Variants in MEIKIN observed in about 807,000 individuals in gnomAD.
MEIKIN encodes the protein meiosis-specific kinetochore protein.
At chr5:131,870,466 T>C (rs1750468716) in intron 9 of MEIKIN, among the ~76,000 whole-genome samples, 1 of 152,144 alleles carries the variant, frequency 6.6e-6, no homozygotes, top group African/African-American at 2.4e-5. Flanking sequence ...CCTTACTCTA[T>C]AGATACTATT....
chr5:131,830,220 T>A (rs543774771), intron 11 of MEIKIN, among the ~76,000 whole-genome samples: 2 of 151,778 alleles, frequency 1.3e-5, no homozygotes, highest in South Asian at 2.1e-4. Flanking sequence ...TGAAACCCCA[T>A]CTCTACAATA....
At chr5:131,891,103 C>A (rs1218321690) in intron 8 of MEIKIN, among the ~76,000 whole-genome samples, 3 of 152,288 alleles carry the variant, frequency 2.0e-5, no homozygotes, top group East Asian at 1.9e-4. Flanking sequence ...GATTTCTGTT[C>A]TTTTACATTT....
intron 9 of MEIKIN, among the ~76,000 whole-genome samples, chr5:131,864,889 T>C (rs1750356684): frequency 6.6e-6 from 1 of 152,246 alleles, no homozygotes; most frequent in South Asian, 2.1e-4. Flanking sequence ...TCCATAGTTA[T>C]GAAGGCATTG....
chr5:131,917,560 T>C (rs977466361), intron 6 of MEIKIN, among the ~76,000 whole-genome samples: 7 of 107,170 alleles, frequency 6.5e-5, no homozygotes, highest in Admixed American at 3.3e-4. Flanking sequence ...TGATACTCCA[T>C]CTCAAAAAAA....
At chr5:131,868,937 A>G (rs879019572) in intron 9 of MEIKIN, among the ~76,000 whole-genome samples, 1 of 152,142 alleles carries the variant, frequency 6.6e-6, no homozygotes, top group African/African-American at 2.4e-5. Context: ...TTGTTATCTC[A>G]TTATCTTGAC....
At chr5:131,884,159 G>A (rs1232636869) in intron 8 of MEIKIN, among the ~76,000 whole-genome samples, 2 of 151,758 alleles carry the variant, frequency 1.3e-5, no homozygotes, top group Admixed American at 6.6e-5. Context: ...GGGGTGGGCA[G>A]GGCGGGGTGG....
chr5:131,893,961 G>GA (rs1346581444), intron 8 of MEIKIN, among the ~76,000 whole-genome samples: 2 of 152,176 alleles, frequency 1.3e-5, no homozygotes, highest in Non-Finnish European at 2.9e-5. Flanking sequence ...TTTTAGTCAT[G>GA]AAGTCTTTGC....
At chr5:131,909,140 G>A (rs1240773220) in intron 8 of MEIKIN, among the ~76,000 whole-genome samples, 1 of 152,084 alleles carries the variant, frequency 6.6e-6, no homozygotes, top group African/African-American at 2.4e-5. Context: ...ACAAAACTGA[G>A]AAATCACATT....
At chr5:131,935,897 T>G (rs1751768428) in intron 4 of MEIKIN, among the ~76,000 whole-genome samples, 1 of 152,118 alleles carries the variant, frequency 6.6e-6, no homozygotes, top group African/African-American at 2.4e-5. Context: ...GTCAGAGTAG[T>G]AGGCTTTCCC....
Position 131,878,661 on chromosome 5 carries a change from T to C in MEIKIN, c.774+317A>G, listed in dbSNP as rs114179159. ...GAGATGGTAGGATCGCTTGAGGCCATGAGTTTGAGATGAGCCTGGACAACT... is the reference window on the plus strand; with the variant it reads ...GAGATGGTAGGATCGCTTGAGGCCACGAGTTTGAGATGAGCCTGGACAACT... On this transcript the variant is annotated intron_variant, in intron 9 of 12. Transcript: ENST00000442687. Among the ~76,000 whole-genome samples the C allele has an allele frequency of 4.7e-3, 712 of 152,032 alleles. 8 individuals are homozygous for C. Among genetic ancestry groups the C allele is most frequent in the African/African-American group, 0.016 (676 of 41,482 alleles).
intron 9 of MEIKIN, among the ~76,000 whole-genome samples, chr5:131,872,046 G>GA (rs1222752133): frequency 6.6e-6 from 1 of 152,066 alleles, no homozygotes; most frequent in Non-Finnish European, 1.5e-5. Flanking sequence ...CAAAGATGGG[G>GA]AAAAAACAGA....
chr5:131,823,908 C>T (rs1270407825), intron 11 of MEIKIN, among the ~76,000 whole-genome samples: 1 of 152,156 alleles, frequency 6.6e-6, no homozygotes, highest in African/African-American at 2.4e-5. Context: ...TGTAGCAGTA[C>T]CACCTTGGTA....
At chr5:131,894,208 T>C (rs1270242223) in intron 8 of MEIKIN, among the ~76,000 whole-genome samples, 1 of 152,194 alleles carries the variant, frequency 6.6e-6, no homozygotes, top group Non-Finnish European at 1.5e-5. Flanking sequence ...CAGACGGTTG[T>C]AGATGTGTGG....
chr5:131,834,161 C>A (rs1051261242), intron 11 of MEIKIN, among the ~76,000 whole-genome samples: 2 of 152,110 alleles, frequency 1.3e-5, no homozygotes, highest in Admixed American at 6.5e-5. Flanking sequence ...TACTAAGTGT[C>A]CACTGTATTT....
At chr5:131,944,111 CAAAAA>C (rs530605601) in intron 3 of MEIKIN, among the ~76,000 whole-genome samples, 1 of 67,838 alleles carries the variant, frequency 1.5e-5, no homozygotes, top group African/African-American at 5.8e-5. Context: ...ACTCTGTCTC[CAAAAA>C]AAAAAAAAAA....
At chr5:131,872,998 G>A (rs1310716762) in intron 9 of MEIKIN, among the ~76,000 whole-genome samples, 2 of 152,172 alleles carry the variant, frequency 1.3e-5, no homozygotes, top group African/African-American at 4.8e-5. Flanking sequence ...CCTGAAGGAA[G>A]CACTAAACAT....
At chr5:131,930,484 CA>C (rs1240593192) in intron 5 of MEIKIN, among the ~76,000 whole-genome samples, 1 of 152,092 alleles carries the variant, frequency 6.6e-6, no homozygotes, top group Non-Finnish European at 1.5e-5. Flanking sequence ...AGAAGCTCTT[CA>C]GTTTAATTAG....
chr5:131,821,722 C>T (rs541479387), intron 11 of MEIKIN, among the ~76,000 whole-genome samples: 14 of 149,076 alleles, frequency 9.4e-5, no homozygotes, highest in East Asian at 5.9e-4. Context: ...CACAGCTCAC[C>T]GCAGCCTTAA....
At chr5:131,937,579 C>A (rs768647827) in intron 4 of MEIKIN, among the ~76,000 whole-genome samples, 2 of 151,902 alleles carry the variant, frequency 1.3e-5, no homozygotes, top group Non-Finnish European at 2.9e-5. Flanking sequence ...GAGTAATATA[C>A]CTTTCCATAC....
Sources: gnomAD v4.1 joint callset for allele counts (sites outside exome capture counted in the v4.1 genomes callset) on GRCh38, gnomAD v4.1.1 for gene constraint, MANE v1.5 for transcripts, NCBI Gene and HGNC (gene_info 2026-07-23, HGNC 2026-07-21) for gene names.